The following SAMM50 variants were observed in gnomAD, a reference collection of about 807,000 sequenced individuals.
SAMM50 encodes SAMM50 sorting and assembly machinery component.
SAMM50 carries 47 observed loss-of-function variants against 66.9 expected under a neutral mutation model. The observed-to-expected ratio is 0.70, with a 90% CI of 0.56 to 0.90. SAMM50 has a LOEUF of 0.90. Ranked by LOEUF, SAMM50 falls within the 40% of genes least tolerant of loss-of-function variation. SAMM50 has a pLI of 0.00. For missense variants in SAMM50, 535 were observed against 595.3 expected (o/e 0.90, Z 1.05); for synonymous variants, 191 against 214.1 (o/e 0.89, Z 0.94).
intron 14 of SAMM50, among the ~76,000 whole-genome samples, chr22:43,991,133 C>T (rs893437054): frequency 1.3e-5 from 2 of 151,974 alleles, no homozygotes; most frequent in African/African-American, 4.8e-5. Flanking sequence ...TGCGTCACCA[C>T]ACCCGGCTAA....
At position 43,968,779 on chromosome 22, in the gene SAMM50, AT is replaced by A; in HGVS notation, c.288del (p.Phe96LeufsTer7). 1 of 1,613,500 alleles carries A rather than the reference AT, an allele frequency of 6.2e-7. No individual in the cohort carries two copies. The highest frequency in any genetic ancestry group is 8.5e-7 in the Non-Finnish European group (1 of 1,179,402). The part of the protein sequence containing the change: ...EAREKLLRLG[I>X]FRQVDVLIDT... The stretch of plus-strand genomic sequence containing the variant: ...CCGTGAAAAATTGCTCCGTCTTGGA[AT>A]TTTTAGACAAGTGGATGTTTTGATT... On this transcript the variant is annotated frameshift_variant, in exon 4 of 15. Transcript: ENST00000350028. LOFTEE classifies it high-confidence loss of function.
At chr22:43,996,272 A>C in intron 14 of SAMM50, 66 bp from the exon 15 acceptor site, 1 of 1,550,282 alleles carries the variant, frequency 6.5e-7, no homozygotes, top group Non-Finnish European at 8.9e-7. Context: ...GCGCATGCTC[A>C]GTGAGTCGTG....
chr22:43,979,334 C>T (rs759933603), intron 10 of SAMM50, among the ~76,000 whole-genome samples: 2 of 152,168 alleles, frequency 1.3e-5, no homozygotes, highest in Non-Finnish European at 2.9e-5. Context: ...ACCTTACAGA[C>T]ACCTCATATC....
At chr22:43,974,940 G>A (rs1360145082) in intron 7 of SAMM50, 2 of 149,858 alleles carry the variant, frequency 1.3e-5, no homozygotes, top group African/African-American at 4.9e-5. Flanking sequence ...GCCCTCGGGT[G>A]GGTGCAGGTA....
intron 1 of SAMM50, among the ~76,000 whole-genome samples, chr22:43,962,676 A>G (rs1184360285): frequency 6.6e-6 from 1 of 152,116 alleles, no homozygotes; most frequent in East Asian, 1.9e-4. Flanking sequence ...CATGTGTACA[A>G]TTTTAATTCT....
chr22:43,976,504 T>A (rs1192756898), intron 8 of SAMM50, among the ~76,000 whole-genome samples: 1 of 152,186 alleles, frequency 6.6e-6, no homozygotes, highest in African/African-American at 2.4e-5. Context: ...GTGGTGGGTG[T>A]TCAACTCCCA....
At chr22:43,957,726 T>G (rs2050127289) in intron 1 of SAMM50, among the ~76,000 whole-genome samples, 1 of 151,774 alleles carries the variant, frequency 6.6e-6, no homozygotes, top group South Asian at 2.1e-4. Flanking sequence ...GCCCAGCCAA[T>G]TATAACTACA....
chr22:43,957,285 C>G (rs1399437894), intron 1 of SAMM50: 1 of 656,450 alleles, frequency 1.5e-6, no homozygotes, highest in African/African-American at 1.8e-5. Context: ...AATTCTGAAG[C>G]AATCTTCCTG....
At chr22:43,973,182 T>C in intron 6 of SAMM50, 54 bp from the exon 7 acceptor site, 1 of 1,342,302 alleles carries the variant, frequency 7.4e-7, no homozygotes, top group Non-Finnish European at 1.1e-6. Flanking sequence ...TTTAAATGTG[T>C]GCAAGTTCTA....
intron 14 of SAMM50, among the ~76,000 whole-genome samples, chr22:43,991,002 ACT>A (rs1439929448): frequency 2.0e-5 from 3 of 148,212 alleles, no homozygotes; most frequent in Admixed American, 6.7e-5. Flanking sequence ...TTTGAGACAG[ACT>A]CTCATTCTGT....
At position 43,989,193 on chromosome 22, in the gene SAMM50, C is replaced by T; in HGVS notation, c.1158C>T (p.Gly386=). 6.2e-7 allele frequency: 1 copy of T among 1,614,174 alleles called. No homozygotes were observed. The highest frequency in any genetic ancestry group is 8.5e-7 in the Non-Finnish European group (1 of 1,180,032). ...TPLPFRPGQG[G]FGELFRTHFF... is the part of the protein sequence containing the mutation. ...TACCTTTCCGGCCAGGCCAGGGTGG[C>T]TTTGGAGAACTTTTCCGAACACACT... is the stretch of plus-strand genomic sequence containing the variant. The change falls in exon 13 of 15, where the codon GGC becomes GGT. Residue 386 remains glycine (G), a synonymous_variant. Transcript: ENST00000350028.
At chr22:43,996,236 G>A in intron 14 of SAMM50, 102 bp from the exon 15 acceptor site, 1 of 1,259,806 alleles carries the variant, frequency 7.9e-7, no homozygotes, top group Non-Finnish European at 1.2e-6. Context: ...GGAGGAGGAG[G>A]AAGCGGAGGC....
intron 10 of SAMM50, among the ~76,000 whole-genome samples, chr22:43,979,710 A>G (rs1403783707): frequency 2.0e-5 from 3 of 151,740 alleles, no homozygotes; most frequent in Admixed American, 6.6e-5. Flanking sequence ...AAGCCTTACC[A>G]TATCACTTTC....
chr22:43,977,883 C>A lies in SAMM50; in HGVS notation c.861C>A (p.Gly287=), dbSNP rs1391956774. Residue 287 remains glycine (G), a synonymous_variant, in exon 10 of 15, where the codon GGC becomes GGA. Coordinates refer to ENST00000350028, the MANE Select transcript of SAMM50 (RefSeq NM_015380.5). ...CTCCTTCCCTGCAGGAACTGGCAGG[C>A]TACACTGGCGGGGATGTGAGCTTCA... ...ALLKVNQELA[G]YTGGDVSFIK... 6.2e-7 allele frequency: 1 copy of A among 1,613,654 alleles called. No individual in the cohort carries two copies. Among genetic ancestry groups the A allele is most frequent in the Admixed American group, 1.7e-5 (1 of 59,998 alleles).
intron 14 of SAMM50, among the ~76,000 whole-genome samples, chr22:43,992,980 G>A (rs2050333194): frequency 6.6e-6 from 1 of 152,246 alleles, no homozygotes; most frequent in Non-Finnish European, 1.5e-5. Context: ...ATAACTCCAC[G>A]CCGTTACTGT....
intron 3 of SAMM50, among the ~76,000 whole-genome samples, chr22:43,967,619 T>C (rs1049016709): frequency 6.6e-6 from 1 of 152,200 alleles, no homozygotes; most frequent in African/African-American, 2.4e-5. Flanking sequence ...CCCTGCATCC[T>C]TCACCTGCAG....
intron 14 of SAMM50, 43 bp downstream of exon 14, chr22:43,990,449 C>T (rs2146828275): frequency 1.3e-6 from 2 of 1,586,398 alleles, no homozygotes; most frequent in East Asian, 2.2e-5. Flanking sequence ...TCCCACTCTC[C>T]AGTAATTTTA....
intron 10 of SAMM50, among the ~76,000 whole-genome samples, chr22:43,979,989 G>A (rs1245545113): frequency 3.4e-5 from 5 of 147,762 alleles, no homozygotes. Flanking sequence ...AGATGGAAGT[G>A]GGGGCTCCTC....
chr22:43,980,125 TACCCACCCACAC>T (rs2050255980), intron 10 of SAMM50, among the ~76,000 whole-genome samples: 2 of 40,100 alleles, frequency 5.0e-5, no homozygotes, highest in Non-Finnish European at 9.6e-5. Context: ...CCCACCCACC[TACCCACCCACAC>T]ATCCATCCAT....
Sources: gnomAD v4.1 joint callset for allele counts (sites outside exome capture counted in the v4.1 genomes callset) on GRCh38, gnomAD v4.1.1 for gene constraint, MANE v1.5 for transcripts, NCBI Gene and HGNC (gene_info 2026-07-23, HGNC 2026-07-21) for gene names.